Variants in FHAD1 observed in about 807,000 individuals in gnomAD.
FHAD1 encodes forkhead associated phosphopeptide binding domain 1.
FHAD1 carries 146 observed loss-of-function variants against 191.3 expected under a neutral mutation model. The ratio of observed to expected loss-of-function variants is 0.76; its 90% CI spans 0.67 to 0.88. The LOEUF (loss-of-function observed/expected upper bound fraction) is 0.88. Ranked by LOEUF, FHAD1 falls within the 40% of genes least tolerant of loss-of-function variation. The pLI, the probability that FHAD1 is intolerant of heterozygous loss-of-function variation, is 0.00. For synonymous variants in FHAD1, 616 were observed against 672.3 expected, an observed-to-expected ratio of 0.92 and a Z score of 1.29; for missense variants, 1,635 against 1,785.8, an observed-to-expected ratio of 0.92 and a Z score of 1.52.
At chr1:15,374,865 T>G (rs28656467) in intron 27 of FHAD1, among the ~76,000 whole-genome samples, 11 of 86,452 alleles carry the variant, frequency 1.3e-4, no homozygotes, top group Admixed American at 5.2e-4. Context: ...TTTTTGTTTG[T>G]TTTTTTTTTT....
chr1:15,238,658 G>A (rs1422819994), intron 1 of FHAD1, among the ~76,000 whole-genome samples: 1 of 152,186 alleles, frequency 6.6e-6, no homozygotes, highest in Non-Finnish European at 1.5e-5. Context: ...ACAGAGCCTT[G>A]TACACAGCCC....
At chr1:15,272,018 T>A (rs1428968179) in intron 2 of FHAD1, among the ~76,000 whole-genome samples, 1 of 152,184 alleles carries the variant, frequency 6.6e-6, no homozygotes, top group Non-Finnish European at 1.5e-5. Flanking sequence ...GTCCCATATT[T>A]GTCCAATATG....
rs148316015 is a variant in FHAD1, at chr1:15,356,582, A to G, written c.2563-1528A>G. Among the ~76,000 whole-genome samples the G allele has an allele frequency of 1.9e-3, 287 of 152,306 alleles. 1 individual carries two copies. Among genetic ancestry groups the G allele is most frequent in the Middle Eastern group, 6.8e-3 (2 of 294 alleles). ...AAGGTTTCAACCGCTTTAAGTTTGA[A>G]TGATTTTGGCCAGGCACAGTGACTC... On this transcript the variant is annotated intron_variant, in intron 20 of 33. Transcript: ENST00000688493.
intron 6 of FHAD1, among the ~76,000 whole-genome samples, chr1:15,306,810 G>A (rs1012503400): frequency 6.6e-6 from 1 of 152,248 alleles, no homozygotes; most frequent in Middle Eastern, 3.2e-3. Context: ...CCATGCAGAA[G>A]TTTGCTGTGG....
chr1:15,382,419 G>T (rs1055454819), intron 31 of FHAD1, among the ~76,000 whole-genome samples: 5 of 152,170 alleles, frequency 3.3e-5, no homozygotes, highest in Non-Finnish European at 7.3e-5. Flanking sequence ...GAGACTCATG[G>T]TGCTCATCTG....
chr1:15,342,456 C>T (rs760132832), intron 16 of FHAD1, among the ~76,000 whole-genome samples: 9 of 152,244 alleles, frequency 5.9e-5, no homozygotes, highest in East Asian at 3.9e-4. Flanking sequence ...ATGGTACTGA[C>T]GCTACCAGTC....
At chr1:15,292,789 C>T (rs1052166126) in intron 4 of FHAD1, among the ~76,000 whole-genome samples, 16 of 152,100 alleles carry the variant, frequency 1.1e-4, no homozygotes, top group Non-Finnish European at 1.3e-4. Flanking sequence ...ATCTTTCAAC[C>T]TCTAAAACTT....
intron 3 of FHAD1, among the ~76,000 whole-genome samples, chr1:15,283,788 G>T (rs1661405799): frequency 6.6e-6 from 1 of 152,166 alleles, no homozygotes; most frequent in African/African-American, 2.4e-5. Flanking sequence ...GGAAAATCCT[G>T]TCCACACATC....
chr1:15,396,321 CAAGAAAAAAAAA>C (rs1705945755), intron 33 of FHAD1, among the ~76,000 whole-genome samples: 1 of 146,114 alleles, frequency 6.8e-6, no homozygotes, highest in East Asian at 2.0e-4. Context: ...GACCCCATAT[CAAGAAAAAAAAA>C]AAGAAAAAAT....
intron 6 of FHAD1, among the ~76,000 whole-genome samples, chr1:15,306,369 G>A (rs1420080044): frequency 6.6e-6 from 1 of 152,194 alleles, no homozygotes; most frequent in Non-Finnish European, 1.5e-5. Flanking sequence ...GCCTGATGAT[G>A]GAGTAGAAAA....
chr1:15,310,503 C>T (rs1034838878), intron 7 of FHAD1, among the ~76,000 whole-genome samples: 8 of 152,192 alleles, frequency 5.3e-5, no homozygotes, highest in Non-Finnish European at 8.8e-5. Flanking sequence ...GACACCACTC[C>T]TCTAATCAAG....
chr1:15,284,195 T>C (rs924883243), intron 3 of FHAD1, among the ~76,000 whole-genome samples: 1 of 152,170 alleles, frequency 6.6e-6, no homozygotes, highest in African/African-American at 2.4e-5. Flanking sequence ...TGGTAAGAAT[T>C]GGAGGCCAGG....
intron 1 of FHAD1, among the ~76,000 whole-genome samples, chr1:15,239,361 C>T (rs1327697167): frequency 1.3e-5 from 2 of 152,016 alleles, no homozygotes; most frequent in East Asian, 1.9e-4. Flanking sequence ...CCGAGGTGGG[C>T]GGATCACTTG....
chr1:15,263,787 C>T (rs1483771981), intron 2 of FHAD1, among the ~76,000 whole-genome samples: 1 of 152,172 alleles, frequency 6.6e-6, no homozygotes, highest in Non-Finnish European at 1.5e-5. Flanking sequence ...TCCCAAAGTG[C>T]TGGGATTACA....
At chr1:15,242,170 T>C (rs938864252) in intron 1 of FHAD1, among the ~76,000 whole-genome samples, 1 of 145,942 alleles carries the variant, frequency 6.9e-6, no homozygotes, top group Admixed American at 7.1e-5. Context: ...GAGGAGGAGG[T>C]TGCAGTGAGC....
At chr1:15,285,272 C>T (rs1401952145) in intron 3 of FHAD1, among the ~76,000 whole-genome samples, 1 of 152,240 alleles carries the variant, frequency 6.6e-6, no homozygotes, top group African/African-American at 2.4e-5. Flanking sequence ...TGGCTCATGC[C>T]TGTAATCCCA....
At chr1:15,267,549 C>T (rs7517714) in intron 2 of FHAD1, among the ~76,000 whole-genome samples, 110,583 of 151,792 alleles carry the variant, frequency 0.73, 41,165 homozygotes, top group East Asian at 0.95. Flanking sequence ...CCTTAAATGT[C>T]TGATAGAATT....
intron 2 of FHAD1, among the ~76,000 whole-genome samples, chr1:15,256,018 C>T (rs980287892): frequency 6.6e-6 from 1 of 152,210 alleles, no homozygotes; most frequent in Non-Finnish European, 1.5e-5. Flanking sequence ...TCTGCCCCTG[C>T]CCCCACCTGC....
chr1:15,395,370 G>A (rs1247331013), intron 33 of FHAD1, among the ~76,000 whole-genome samples: 2 of 149,888 alleles, frequency 1.3e-5, no homozygotes, highest in African/African-American at 4.9e-5. Flanking sequence ...CGTCTCTCTC[G>A]TGCATGCATG....
Sources: allele counts gnomAD v4.1 joint callset (sites outside exome capture counted in the v4.1 genomes callset), GRCh38; gene constraint gnomAD v4.1.1; transcripts MANE v1.5; gene names NCBI Gene and HGNC (gene_info 2026-07-23, HGNC 2026-07-21).